Variants in C12orf54 observed in about 807,000 individuals in gnomAD.
The protein encoded by C12orf54 is chromosome 12 open reading frame 54, also known as uncharacterized protein C12orf54.
C12orf54 carries 24 observed loss-of-function variants against 26.4 expected under a neutral mutation model. That is an observed-to-expected ratio of 0.91 (90% CI 0.66 to 1.28). The LOEUF (loss-of-function observed/expected upper bound fraction) is 1.28, where lower values mean the gene tolerates loss of function less well. C12orf54 is among the 50% of genes most tolerant of loss of function. The pLI is 0.00. For synonymous variants in C12orf54, 54 were observed against 47.0 expected, an observed-to-expected ratio of 1.15 and a Z score of -0.61; for missense variants, 154 against 150.9, an observed-to-expected ratio of 1.02 and a Z score of -0.11.
At chr12:48,433,459 G>GGC in the C12orf54 span, among the ~76,000 whole-genome samples, 1 of 130,080 alleles carries the variant, frequency 7.7e-6, no homozygotes, top group Admixed American at 1.0e-4. Context: ...TTTTTTTGGG[G>GGC]GGGGGGGGGG....
At chr12:48,419,228 G>C in the C12orf54 span, among the ~76,000 whole-genome samples, 1 of 152,142 alleles carries the variant, frequency 6.6e-6, no homozygotes, top group South Asian at 2.1e-4. Flanking sequence ...AAGGCAGCAG[G>C]ATATACGAAA....
chr12:48,423,701 T>C, the C12orf54 span, among the ~76,000 whole-genome samples: 1 of 152,108 alleles, frequency 6.6e-6, no homozygotes, highest in African/African-American at 2.4e-5. Flanking sequence ...ATTTTTAATA[T>C]CTTGTACTTT....
the C12orf54 span, among the ~76,000 whole-genome samples, chr12:48,443,547 C>T: frequency 6.6e-6 from 1 of 152,110 alleles, no homozygotes; most frequent in African/African-American, 2.4e-5. Context: ...AGAGAGAAGG[C>T]AGCACAGAGA....
the C12orf54 span, among the ~76,000 whole-genome samples, chr12:48,444,136 A>C: frequency 6.6e-6 from 1 of 152,256 alleles, no homozygotes; most frequent in Non-Finnish European, 1.5e-5. Flanking sequence ...TAAAAGAGGA[A>C]AATAAAAGGT....
chr12:48,460,831 C>T, the C12orf54 span, among the ~76,000 whole-genome samples: 3 of 151,764 alleles, frequency 2.0e-5, no homozygotes, highest in Non-Finnish European at 4.4e-5. Flanking sequence ...AATGGTATCA[C>T]AAAAATACTC....
chr12:48,474,373 G>T, the C12orf54 span, among the ~76,000 whole-genome samples: 1 of 152,162 alleles, frequency 6.6e-6, no homozygotes, highest in Non-Finnish European at 1.5e-5. Context: ...TCATCTCACT[G>T]GGGAGTGCCA....
intron 4 of C12orf54, chr12:48,488,388 G>T: frequency 2.1e-6 from 1 of 476,516 alleles, no homozygotes; most frequent in South Asian, 1.7e-5. Flanking sequence ...GTCAGCAACT[G>T]AATTCCAGTT....
the C12orf54 span, among the ~76,000 whole-genome samples, chr12:48,413,447 C>T: frequency 7.2e-5 from 11 of 152,168 alleles, no homozygotes; most frequent in Non-Finnish European, 1.5e-4. Flanking sequence ...AGAGGGCGGT[C>T]CTGAGGCCAC....
chr12:48,475,862 C>A, the C12orf54 span, among the ~76,000 whole-genome samples: 1 of 152,126 alleles, frequency 6.6e-6, no homozygotes, highest in East Asian at 1.9e-4. Context: ...TCTAACAAGG[C>A]AGGCCAACAT....
chr12:48,468,829 T>G, the C12orf54 span, among the ~76,000 whole-genome samples: 1 of 152,084 alleles, frequency 6.6e-6, no homozygotes, highest in Non-Finnish European at 1.5e-5. Context: ...TCCCTAAGTG[T>G]CGGCCTGTCT....
At chr12:48,467,436 A>G in the C12orf54 span, among the ~76,000 whole-genome samples, 2 of 152,188 alleles carry the variant, frequency 1.3e-5, no homozygotes, top group Admixed American at 1.3e-4. Flanking sequence ...ACACCACATG[A>G]TGGAATACTA....
chr12:48,490,787 T>A, intron 5 of C12orf54, 25 bp from the exon 6 acceptor site: 1 of 1,613,272 alleles, frequency 6.2e-7, no homozygotes, highest in Non-Finnish European at 8.5e-7. Flanking sequence ...CCATCATCTC[T>A]GACTGTATTC....
At chr12:48,495,088 T>A in intron 8 of C12orf54, 109 bp downstream of exon 8, 1 of 780,964 alleles carries the variant, frequency 1.3e-6, no homozygotes, top group Non-Finnish European at 2.0e-6. Flanking sequence ...CAGCACCCCA[T>A]GAAGCAGGTG....
At chr12:48,454,601 C>A in the C12orf54 span, among the ~76,000 whole-genome samples, 1 of 152,180 alleles carries the variant, frequency 6.6e-6, no homozygotes, top group Non-Finnish European at 1.5e-5. Context: ...TTCTCTATCT[C>A]TTTCCTTCTT....
chr12:48,464,283 C>T, the C12orf54 span, among the ~76,000 whole-genome samples: 1 of 151,920 alleles, frequency 6.6e-6, no homozygotes, highest in Non-Finnish European at 1.5e-5. Flanking sequence ...CCAATAACAG[C>T]CAACCTGAGA....
chr12:48,471,690 C>T, the C12orf54 span, among the ~76,000 whole-genome samples: 1 of 152,092 alleles, frequency 6.6e-6, no homozygotes, highest in Non-Finnish European at 1.5e-5. Flanking sequence ...CTATTCTGTT[C>T]CATTTGTCTA....
the C12orf54 span, among the ~76,000 whole-genome samples, chr12:48,429,336 A>G: frequency 6.6e-6 from 1 of 152,162 alleles, no homozygotes; most frequent in Non-Finnish European, 1.5e-5. Context: ...GACAAGAGAA[A>G]GAAATAAAGG....
At position 48,494,893 on chromosome 12, in the gene C12orf54, T is replaced by G. The variant is rs750004792; in HGVS notation, c.338T>G (p.Leu113Arg). Residue 113 changes from leucine to arginine, a missense_variant, in exon 8 of 9, where the codon CTG (leucine) becomes CGG (arginine). Physicochemically the swap from Leu to Arg is moderately radical, Grantham distance 102. Transcript: ENST00000548364. ...EQPSGGRIHN[L>R]KTQLFSQSAY... ...CCATCAGGAGGCCGTATCCACAACC[T>G]GAAGACACAGCTCTTCAGTCAATCA... The G allele has an allele frequency of 1.9e-6, 3 of 1,613,038 alleles. No homozygotes were observed. In the Admixed American group the frequency reaches 5.0e-5, roughly 27 times the overall value.
chr12:48,462,791 T>C, the C12orf54 span, among the ~76,000 whole-genome samples: 1 of 151,788 alleles, frequency 6.6e-6, no homozygotes, highest in African/African-American at 2.4e-5. Flanking sequence ...TATAACATAA[T>C]ACTTCATAGT....
Sources: allele counts gnomAD v4.1 joint callset (sites outside exome capture counted in the v4.1 genomes callset), GRCh38; gene constraint gnomAD v4.1.1; transcripts MANE v1.5; gene names NCBI Gene and HGNC (gene_info 2026-07-23, HGNC 2026-07-21).